SYNE1: variants seen among roughly 807,000 people sequenced by gnomAD.
SYNE1 encodes spectrin repeat containing nuclear envelope protein 1, also known as nesprin-1.
A neutral mutation model predicts 1,111.0 loss-of-function variants in SYNE1; 616 were observed. The ratio of observed to expected loss-of-function variants is 0.55; its 90% CI spans 0.52 to 0.59. The LOEUF is 0.59. Among genes scored for constraint, SYNE1 ranks in the 20% least tolerant of loss-of-function variants. SYNE1 has a pLI of 0.00. For synonymous variants in SYNE1, 3,855 were observed against 3,825.8 expected, an observed-to-expected ratio of 1.01 and a Z score of -0.28; for missense variants, 10,006 against 10,417.0, an observed-to-expected ratio of 0.96 and a Z score of 1.72.
At chr6:152,569,020 T>G (rs1281137885) in intron 3 of SYNE1, among the ~76,000 whole-genome samples, 2 of 152,192 alleles carry the variant, frequency 1.3e-5, no homozygotes, top group Non-Finnish European at 2.9e-5. Flanking sequence ...TAATGAAGAT[T>G]AAGTAACATT....
intron 44 of SYNE1, among the ~76,000 whole-genome samples, chr6:152,408,222 G>T (rs1174346701): frequency 6.6e-6 from 1 of 152,178 alleles, no homozygotes; most frequent in African/African-American, 2.4e-5. Flanking sequence ...GAGGGCAACA[G>T]AATCACTGAA....
rs188404716 is a variant in SYNE1 at position 152,269,849 on chromosome 6, A to T, written c.18574-563T>A. 2.6e-5 allele frequency among the ~76,000 whole-genome samples: 4 copies of T among 152,320 alleles called. No individual in the cohort carries two copies. In the East Asian group the frequency reaches 7.7e-4, roughly 29 times the overall value. ...AAAGTTCACTGTTCTGTAAGGCATCATACTCTCTGGAATTCAGTAAGAACT... is the reference window on the plus strand; with the variant it reads ...AAAGTTCACTGTTCTGTAAGGCATCTTACTCTCTGGAATTCAGTAAGAACT... On this transcript the variant is annotated intron_variant, in intron 98 of 145. Transcript: ENST00000367255.
At chr6:152,561,160 A>G (rs935025712) in intron 3 of SYNE1, among the ~76,000 whole-genome samples, 8 of 152,212 alleles carry the variant, frequency 5.3e-5, no homozygotes, top group Non-Finnish European at 4.4e-5. Flanking sequence ...TATCTCAAAT[A>G]GAGTAAACCC....
chr6:152,307,165 C>T (rs2095407243), intron 91 of SYNE1, among the ~76,000 whole-genome samples: 1 of 151,972 alleles, frequency 6.6e-6, no homozygotes, highest in Non-Finnish European at 1.5e-5. Flanking sequence ...TTCATTTAAC[C>T]ATTGTGTAAG....
Position 152,352,043 on chromosome 6 carries a change from T to C in SYNE1, c.11564A>G (p.Gln3855Arg). 1 of 1,614,156 alleles carries C rather than the reference T, an allele frequency of 6.2e-7. No individual in the cohort carries two copies. Among genetic ancestry groups the C allele is most frequent in the Non-Finnish European group, 8.5e-7 (1 of 1,180,032 alleles). ...PKMELYEKKA[Q>R]LSKYKSLQQT... The stretch of plus-strand genomic sequence containing the variant: ...ACACACTACCTTGTATTTAGATAAC[T>C]GAGCTTTTTTCTCATATAATTCCAT... Residue 3855 changes from glutamine to arginine, a missense_variant, in exon 70 of 146, where the codon CAG (glutamine) becomes CGG (arginine). By Grantham distance (43) the Gln-to-Arg change is conservative. This residue lies in a region of SYNE1 where 4,955 missense variants were observed against 5,017.2 expected (regional missense o/e 0.99). Transcript: ENST00000367255.
chr6:152,241,537 G>A (rs1205301855), intron 107 of SYNE1, among the ~76,000 whole-genome samples: 3 of 10,648 alleles, frequency 2.8e-4, no homozygotes, highest in Non-Finnish European at 5.9e-4. Flanking sequence ...TGTGAAATAC[G>A]CATTCTTCTA....
At position 152,122,732 on chromosome 6, in the gene SYNE1, G is replaced by C. The variant is rs1182385674; in HGVS notation, c.26154-56C>G. On this transcript the variant is annotated intron_variant, in intron 145 of 145. Coordinates refer to ENST00000367255, the MANE Select transcript of SYNE1 (RefSeq NM_182961.4). Reference sequence around the variant, plus strand: ...ATAACTCCAGTGTCGGAGGGACGCTGCTTTTTGCCTCTGCACCTTCCTGGA... The same window carrying C: ...ATAACTCCAGTGTCGGAGGGACGCTCCTTTTTGCCTCTGCACCTTCCTGGA... The C allele has an allele frequency of 6.8e-6, 11 of 1,609,266 alleles. No homozygotes were observed. In the Admixed American group the frequency reaches 1.8e-4, roughly 27 times the overall value.
chr6:152,255,959 C>T (rs1013061250), intron 102 of SYNE1, among the ~76,000 whole-genome samples: 4 of 152,102 alleles, frequency 2.6e-5, no homozygotes, highest in African/African-American at 9.7e-5. Context: ...ATTTGCCAGT[C>T]GTGGTGGCAT....
chr6:152,466,671 T>C (rs1163386226), intron 16 of SYNE1, among the ~76,000 whole-genome samples: 2 of 152,096 alleles, frequency 1.3e-5, no homozygotes, highest in Admixed American at 6.6e-5. Context: ...ATATATATAA[T>C]AGAATCACTA....
chr6:152,279,919 C>T (rs1485595586), intron 97 of SYNE1, among the ~76,000 whole-genome samples: 1 of 151,416 alleles, frequency 6.6e-6, no homozygotes, highest in Non-Finnish European at 1.5e-5. Context: ...TTTTAGAGCC[C>T]CAAGAAAATG....
intron 51 of SYNE1, among the ~76,000 whole-genome samples, chr6:152,395,030 G>A (rs1457362317): frequency 6.6e-6 from 1 of 151,952 alleles, no homozygotes; most frequent in African/African-American, 2.4e-5. Flanking sequence ...TGATCTGCCT[G>A]CCTCGGCCTC....
At chr6:152,617,376 T>G (rs1187278562) in intron 3 of SYNE1, among the ~76,000 whole-genome samples, 2 of 152,204 alleles carry the variant, frequency 1.3e-5, no homozygotes, top group Non-Finnish European at 2.9e-5. Flanking sequence ...AAATAAATAC[T>G]TACCCATAGT....
intron 4 of SYNE1, among the ~76,000 whole-genome samples, chr6:152,534,003 A>T (rs2449114): frequency 0.22 from 33,212 of 151,926 alleles, 3,725 homozygotes; most frequent in Middle Eastern, 0.32. Flanking sequence ...TACTTAAAAT[A>T]CAAAAACTAG....
chr6:152,129,358 T>G (rs1386437471), intron 145 of SYNE1: 1 of 152,206 alleles, frequency 6.6e-6, no homozygotes, highest in African/African-American at 2.4e-5. Context: ...TGTGGGGATA[T>G]TCTTCATCTC....
At chr6:152,514,416 G>A (rs1272542869) in intron 6 of SYNE1, among the ~76,000 whole-genome samples, 1 of 152,060 alleles carries the variant, frequency 6.6e-6, no homozygotes, top group Non-Finnish European at 1.5e-5. Flanking sequence ...CTCATAAGTG[G>A]GAGTTGAACA....
At chr6:152,358,815 A>G (rs1170614095) in intron 65 of SYNE1, among the ~76,000 whole-genome samples, 4 of 152,228 alleles carry the variant, frequency 2.6e-5, no homozygotes, top group Non-Finnish European at 4.4e-5. Flanking sequence ...CACTTTACTA[A>G]TTTCATAAAA....
intron 131 of SYNE1, among the ~76,000 whole-genome samples, chr6:152,162,777 T>C (rs1268462759): frequency 6.6e-6 from 1 of 152,340 alleles, no homozygotes; most frequent in African/African-American, 2.4e-5. Flanking sequence ...GTGATAGATA[T>C]GGTAATCAAA....
intron 106 of SYNE1, 146 bp from the exon 107 acceptor site, chr6:152,242,586 G>T: frequency 1.3e-6 from 1 of 785,146 alleles, no homozygotes; most frequent in Non-Finnish European, 2.2e-6. Context: ...CTACCTGTAG[G>T]CCATCTGCTT....
rs1004759869 is a variant in SYNE1 at position 152,316,545 on chromosome 6, G to T, written c.16710+304C>A. The T allele has an allele frequency of 2.6e-5, 10 of 379,116 alleles. 1 individual carries two copies. In the Admixed American group the frequency reaches 4.1e-4, roughly 16 times the overall value. The allele number at this position is 379,116 out of a possible 1,614,324, so 23.5% of individuals were successfully genotyped here. Reference sequence around the variant, plus strand: ...CTTCACAGGAAAGAATTTCCCACCAGATCCCTGCAGATAATTATTTCAAAG... The same window carrying T: ...CTTCACAGGAAAGAATTTCCCACCATATCCCTGCAGATAATTATTTCAAAG... On this transcript the variant is annotated intron_variant, in intron 87 of 145. Transcript: ENST00000367255.
Sources: gnomAD v4.1 joint callset for allele counts (sites outside exome capture counted in the v4.1 genomes callset) on GRCh38, gnomAD v4.1.1 for gene constraint, gnomAD v4.1.1 regional missense constraint, MANE v1.5 for transcripts, NCBI Gene and HGNC (gene_info 2026-07-23, HGNC 2026-07-21) for gene names.